Variants in STXBP5L observed in about 807,000 individuals in gnomAD.
The protein encoded by STXBP5L is syntaxin binding protein 5L.
Under a neutral mutation model 144.5 loss-of-function variants are expected in STXBP5L, and 65 were observed. The observed-to-expected ratio is 0.45, with a 90% CI of 0.37 to 0.55. STXBP5L has a LOEUF of 0.55. STXBP5L is among the 20% of genes least tolerant of loss of function. STXBP5L has a pLI of 0.00. For missense variants in STXBP5L, 1,298 were observed against 1,405.5 expected (o/e 0.92, Z 1.22); for synonymous variants, 505 against 469.6 (o/e 1.08, Z -0.97).
rs549090631 is a variant in STXBP5L at position 121,027,806 on chromosome 3, G to A, written c.288-13894G>A. Among the ~76,000 whole-genome samples the A allele has an allele frequency of 2.6e-5, 4 of 152,018 alleles. No homozygotes were observed. The East Asian group carries it at 7.7e-4, about 29-fold the overall frequency. ...AACATAACATATTCAAAGGTTTCAG[G>A]GATCAGGACATGGACATCTTCAGGG... On this transcript the variant is annotated intron_variant, in intron 3 of 26. Coordinates refer to ENST00000471454, the MANE Select transcript of STXBP5L (RefSeq NM_001308330.2).
intron 3 of STXBP5L, among the ~76,000 whole-genome samples, chr3:121,024,990 T>A (rs1252775469): frequency 6.6e-6 from 1 of 152,124 alleles, no homozygotes; most frequent in Non-Finnish European, 1.5e-5. Flanking sequence ...AATGATAGTT[T>A]AAATTGAGGT....
At chr3:121,025,259 A>G (rs946514394) in intron 3 of STXBP5L, among the ~76,000 whole-genome samples, 8 of 152,134 alleles carry the variant, frequency 5.3e-5, no homozygotes, top group African/African-American at 1.9e-4. Flanking sequence ...TGCTGGACCT[A>G]GTGAAAAGGA....
intron 3 of STXBP5L, among the ~76,000 whole-genome samples, chr3:120,989,451 C>T (rs772597657): frequency 5.3e-5 from 8 of 152,078 alleles, no homozygotes; most frequent in Non-Finnish European, 1.2e-4. Context: ...AATGTCTGTT[C>T]ATGTAATTTG....
At position 121,114,982 on chromosome 3, in the gene STXBP5L, A is replaced by G; in HGVS notation, c.528A>G (p.Arg176=). 2 of 1,602,320 alleles carry G rather than the reference A, an allele frequency of 1.2e-6. No homozygotes were observed. Among genetic ancestry groups the G allele is most frequent in the South Asian group, 1.1e-5 (1 of 88,260 alleles). ...QSKWLYVGTE[R]GNTHIVNIES... is the part of the protein sequence containing the mutation. ...AATGGCTTTATGTTGGAACAGAAAG[A>G]GGAAATACACATATTGTAAATATTG... The change falls in exon 6 of 27, where the codon AGA becomes AGG. Residue 176 remains arginine (R), a synonymous_variant. Transcript: ENST00000471454.
At chr3:120,964,781 T>C (rs1355245329) in intron 3 of STXBP5L, among the ~76,000 whole-genome samples, 2 of 152,202 alleles carry the variant, frequency 1.3e-5, no homozygotes, top group African/African-American at 4.8e-5. Flanking sequence ...TAGATGTCTA[T>C]TAGGTCTGCT....
chr3:121,216,247 G>A (rs1447389433), intron 10 of STXBP5L, among the ~76,000 whole-genome samples: 2 of 152,172 alleles, frequency 1.3e-5, no homozygotes, highest in African/African-American at 2.4e-5. Flanking sequence ...GTGAGGAGTT[G>A]TGATCCTTTG....
At chr3:121,051,162 A>T (rs922004235) in intron 5 of STXBP5L, among the ~76,000 whole-genome samples, 42 of 152,160 alleles carry the variant, frequency 2.8e-4, no homozygotes, top group African/African-American at 9.7e-4. Flanking sequence ...CACTGTCAAC[A>T]TTAGACAGAT....
At position 121,421,421 on chromosome 3, in the gene STXBP5L, C is replaced by G. The variant is rs769388999; in HGVS notation, c.*2324C>G. 2.2e-4 allele frequency: 33 copies of G among 152,088 alleles called. No homozygotes were observed. The highest frequency in any genetic ancestry group is 4.9e-4 in the Non-Finnish European group (33 of 68,012). 9.4% of individuals were successfully genotyped at this position (152,088 alleles called of 1,614,324 possible). On this transcript the variant is annotated 3_prime_UTR_variant, in exon 27 of 27. Transcript: ENST00000471454. ...GTGTATTGTAGGATGTTAGCAACAT[C>G]CCTGGCCTCTGTCTACTAGATGCCA...
At chr3:121,198,385 C>A (rs144903584) in intron 9 of STXBP5L, among the ~76,000 whole-genome samples, 5,402 of 151,920 alleles carry the variant, frequency 0.036, 145 homozygotes, top group Middle Eastern at 0.082. Context: ...GGATATTAGA[C>A]CTTTGTCAGA....
intron 20 of STXBP5L, among the ~76,000 whole-genome samples, chr3:121,339,090 C>A (rs917633497): frequency 6.6e-6 from 1 of 151,822 alleles, no homozygotes; most frequent in Non-Finnish European, 1.5e-5. Flanking sequence ...AAAGGGCATA[C>A]AAAACAAAAC....
chr3:121,262,172 T>G (rs747841232), intron 18 of STXBP5L, among the ~76,000 whole-genome samples: 11 of 152,322 alleles, frequency 7.2e-5, no homozygotes, highest in Non-Finnish European at 1.6e-4. Context: ...TTAGATGGTC[T>G]GAATTTGGGG....
At chr3:120,973,510 T>G (rs1280724183) in intron 3 of STXBP5L, among the ~76,000 whole-genome samples, 1 of 152,074 alleles carries the variant, frequency 6.6e-6, no homozygotes, top group Non-Finnish European at 1.5e-5. Context: ...TTCTAAAATA[T>G]TTTCAGAATA....
At chr3:121,344,569 A>C (rs2044872900) in intron 20 of STXBP5L, among the ~76,000 whole-genome samples, 1 of 152,116 alleles carries the variant, frequency 6.6e-6, no homozygotes, top group Non-Finnish European at 1.5e-5. Context: ...AAGTTAAGCA[A>C]TGGTGATAAA....
rs1371170496 is a variant in STXBP5L at position 121,109,353 on chromosome 3, G to T, written c.471-5572G>T. On this transcript the variant is annotated intron_variant, in intron 5 of 26. Transcript: ENST00000471454. Reference sequence around the variant, plus strand: ...TTTGAGATCTTTCTAGCTTTTCGATGTGGGCATTTAGTTCTATAAATTTCC... The same window carrying T: ...TTTGAGATCTTTCTAGCTTTTCGATTTGGGCATTTAGTTCTATAAATTTCC... Among the ~76,000 whole-genome samples the T allele has an allele frequency of 2.0e-5, 3 of 152,210 alleles. No homozygotes were observed. The East Asian group carries it at 5.8e-4, about 29-fold the overall frequency.
chr3:121,057,206 A>AT (rs1253369800), intron 5 of STXBP5L, among the ~76,000 whole-genome samples: 1 of 151,912 alleles, frequency 6.6e-6, no homozygotes, highest in African/African-American at 2.4e-5. Context: ...ATATTATTCC[A>AT]TTTTTGTATG....
intron 2 of STXBP5L, among the ~76,000 whole-genome samples, chr3:120,947,698 T>C (rs150791960): frequency 1.2e-3 from 176 of 151,994 alleles, no homozygotes; most frequent in Admixed American, 1.9e-3. Context: ...ATACACTTCA[T>C]GTAAATGGAA....
intron 3 of STXBP5L, among the ~76,000 whole-genome samples, chr3:121,021,432 CA>C (rs1560012763): frequency 6.6e-6 from 1 of 152,142 alleles, no homozygotes; most frequent in African/African-American, 2.4e-5. Flanking sequence ...TAGATATTTA[CA>C]GAACATTCTA....
chr3:121,051,338 A>G (rs1036605267), intron 5 of STXBP5L, among the ~76,000 whole-genome samples: 1 of 152,202 alleles, frequency 6.6e-6, no homozygotes. Context: ...AGTTGGAAGT[A>G]AAGCTCTCCT....
intron 18 of STXBP5L, among the ~76,000 whole-genome samples, chr3:121,261,582 A>G (rs1025624120): frequency 2.0e-5 from 3 of 152,240 alleles, no homozygotes; most frequent in African/African-American, 7.2e-5. Flanking sequence ...AGTTTGGTTT[A>G]CACCAGGAAT....
Sources: gnomAD v4.1 joint callset for allele counts (sites outside exome capture counted in the v4.1 genomes callset) on GRCh38, gnomAD v4.1.1 for gene constraint, MANE v1.5 for transcripts, NCBI Gene and HGNC (gene_info 2026-07-23, HGNC 2026-07-21) for gene names.